The following SLC38A1 variants were observed in gnomAD, a reference collection of about 807,000 sequenced individuals.
SLC38A1 encodes solute carrier family 38 member 1.
In SLC38A1, 18 loss-of-function variants were observed where a neutral mutation model predicts 60.3. The ratio of observed to expected loss-of-function variants is 0.30; its 90% CI spans 0.21 to 0.44. SLC38A1 has a LOEUF of 0.44. Among genes scored for constraint, SLC38A1 ranks in the 20% least tolerant of loss-of-function variants. The pLI is 1.00. For synonymous variants in SLC38A1, 196 were observed against 212.1 expected (o/e 0.92, Z 0.66); for missense variants, 448 against 587.2 (o/e 0.76, Z 2.45).
rs377474900 is a variant in SLC38A1 at position 46,188,710 on chromosome 12, T to G, written c.*260A>C. On this transcript the variant is annotated 3_prime_UTR_variant, in exon 17 of 17. Coordinates refer to ENST00000398637, the MANE Select transcript of SLC38A1 (RefSeq NM_030674.4). ...TAGAGTTAGATGGGTAAAAAATGAT[T>G]GTGAAAAGTACTGGGAAATATGATT... The G allele has an allele frequency of 8.8e-5, 29 of 329,342 alleles. No individual in the cohort carries two copies. The highest frequency in any genetic ancestry group is 8.0e-4 in the Middle Eastern group (1 of 1,250). The allele number at this position is 329,342 out of a possible 1,614,324, so 20.4% of individuals were successfully genotyped here.
At chr12:46,203,219 A>C in intron 11 of SLC38A1, 130 bp from the exon 12 acceptor site, 1 of 764,190 alleles carries the variant, frequency 1.3e-6, no homozygotes, top group Non-Finnish European at 2.1e-6. Context: ...GTTATTAGGG[A>C]GGTTTTGATC....
intron 7 of SLC38A1, 57 bp downstream of exon 7, chr12:46,207,472 C>T (rs1425798463): frequency 6.8e-7 from 1 of 1,467,430 alleles, no homozygotes; most frequent in Non-Finnish European, 9.5e-7. Context: ...ATTCATGTGG[C>T]CGCTCATCCA....
rs1298574951 is a variant in SLC38A1, at chr12:46,188,685, TAG to T, written c.*283_*284del. ...TAAGAGACCGGGAAGCCACAAAACA[TAG>T]AGTTAGATGGGTAAAAAATGATTGT... On this transcript the variant is annotated 3_prime_UTR_variant, in exon 17 of 17. Coordinates refer to ENST00000398637, the MANE Select transcript of SLC38A1 (RefSeq NM_030674.4). 1.5e-5 allele frequency: 4 copies of T among 266,296 alleles called. No homozygotes were observed. Among genetic ancestry groups the T allele is most frequent in the Non-Finnish European group, 2.9e-5 (4 of 139,338 alleles). The allele number at this position is 266,296 out of a possible 1,614,324, so 16.5% of individuals were successfully genotyped here.
At position 46,268,949 on chromosome 12, in the gene SLC38A1, T is replaced by C. The variant is rs1942456964; in HGVS notation, c.-632A>G. 1 of 451,152 alleles carries C rather than the reference T, an allele frequency of 2.2e-6. No individual in the cohort carries two copies. Among genetic ancestry groups the C allele is most frequent in the Non-Finnish European group, 4.5e-6 (1 of 223,544 alleles). The allele number at this position is 451,152 out of a possible 1,614,324, so 27.9% of individuals were successfully genotyped here. A position where few individuals can be genotyped will look rare whatever the true frequency, so the allele number is the denominator to read the frequency against. On this transcript the variant is annotated 5_prime_UTR_variant, in exon 1 of 17. Transcript: ENST00000398637. The surrounding 1 kb of genome is among the most constrained non-coding windows in gnomAD (Gnocchi z 4.4). ...GTGGCCCTTCCGCAACCATGGCTTG[T>C]GATGGTTTAACGCGGACAGGCCATT...
intron 2 of SLC38A1, among the ~76,000 whole-genome samples, 190 bp downstream of exon 2, chr12:46,243,010 T>C (rs922066508): frequency 6.6e-6 from 1 of 152,034 alleles, no homozygotes; most frequent in East Asian, 1.9e-4. Flanking sequence ...ACTTTTTTCA[T>C]TGAGTATCAT....
chr12:46,190,187 G>A (rs1319701420), intron 16 of SLC38A1, among the ~76,000 whole-genome samples: 1 of 152,094 alleles, frequency 6.6e-6, no homozygotes, highest in Non-Finnish European at 1.5e-5. Context: ...AACATGCAGT[G>A]TTTGGTTTTT....
chr12:46,197,790 A>T lies in SLC38A1; in HGVS notation c.1292T>A (p.Phe431Tyr). 1 of 1,602,220 alleles carries T rather than the reference A, an allele frequency of 6.2e-7. No homozygotes were observed. Among genetic ancestry groups the T allele is most frequent in the Non-Finnish European group, 8.5e-7 (1 of 1,176,760 alleles). ...TAAATAAAGAGATGAAGGAAGAATG[A>T]AAATAAGCATGTTAGCAGATGTAAC... ...VGVTSANMLI[F>Y]ILPSSLYLKI... is the part of the protein sequence containing the mutation. The change falls in exon 16 of 17, where the codon TTC becomes TAC. Residue 431 changes from phenylalanine (F) to tyrosine (Y), a missense_variant. Physicochemically the swap from Phe to Tyr is conservative, Grantham distance 22 (BLOSUM62 3). Coordinates refer to ENST00000398637, the MANE Select transcript of SLC38A1 (RefSeq NM_030674.4).
At chr12:46,227,433 C>G (rs1940910363) in intron 5 of SLC38A1, among the ~76,000 whole-genome samples, 1 of 152,146 alleles carries the variant, frequency 6.6e-6, no homozygotes, top group South Asian at 2.1e-4. Context: ...CCCTTTATGC[C>G]TCAGTTTCCT....
At chr12:46,260,233 A>G (rs1272583236) in intron 1 of SLC38A1, among the ~76,000 whole-genome samples, 3 of 151,760 alleles carry the variant, frequency 2.0e-5, no homozygotes, top group South Asian at 2.1e-4. Context: ...CCTCCTCCCA[A>G]CTTTCTGTGT....
chr12:46,224,134 T>C (rs1170133435), intron 5 of SLC38A1, among the ~76,000 whole-genome samples: 1 of 152,150 alleles, frequency 6.6e-6, no homozygotes, highest in Non-Finnish European at 1.5e-5. Context: ...CTTTAGCATC[T>C]ATTGCCTTTT....
At chr12:46,206,567 C>G (rs542561196) in intron 8 of SLC38A1, among the ~76,000 whole-genome samples, 1 of 152,174 alleles carries the variant, frequency 6.6e-6, no homozygotes, top group African/African-American at 2.4e-5. Context: ...AGACATTTCT[C>G]TCTCCCTGAT....
chr12:46,204,250 A>C, intron 11 of SLC38A1, 51 bp downstream of exon 11: 1 of 1,101,192 alleles, frequency 9.1e-7, no homozygotes, highest in Non-Finnish European at 1.4e-6. Flanking sequence ...GAGAAATAGA[A>C]TGTCCTTAAT....
intron 1 of SLC38A1, among the ~76,000 whole-genome samples, chr12:46,259,461 T>C: frequency 6.6e-6 from 1 of 152,174 alleles, no homozygotes; most frequent in East Asian, 1.9e-4. Context: ...CTTTGAGTAA[T>C]AAAAATGGGA....
rs551275320 is a variant in SLC38A1, at chr12:46,221,956, G to A, written c.314+7197C>T. Among the ~76,000 whole-genome samples the A allele has an allele frequency of 9.2e-5, 14 of 152,270 alleles. No homozygotes were observed. In the South Asian group the frequency reaches 1.9e-3, roughly 20 times the overall value. On this transcript the variant is annotated intron_variant, in intron 5 of 16. Transcript: ENST00000398637. ...AGAAGACAGAGATGAGACAGGGTAC[G>A]GGTGGGCTCTGGAAAGACCAAGGTA...
At chr12:46,235,846 T>C (rs1490970081) in intron 3 of SLC38A1, among the ~76,000 whole-genome samples, 1 of 152,136 alleles carries the variant, frequency 6.6e-6, no homozygotes, top group Admixed American at 6.5e-5. Flanking sequence ...ATAATAGCAA[T>C]AAGTATACAG....
At chr12:46,252,980 C>A (rs1941904156) in intron 1 of SLC38A1, among the ~76,000 whole-genome samples, 1 of 132,548 alleles carries the variant, frequency 7.5e-6, no homozygotes, top group Non-Finnish European at 1.6e-5. Flanking sequence ...CTCATGTATA[C>A]ATGGTATCTT....
chr12:46,231,774 G>A (rs1400855406), intron 3 of SLC38A1, among the ~76,000 whole-genome samples: 1 of 152,032 alleles, frequency 6.6e-6, no homozygotes, highest in Non-Finnish European at 1.5e-5. Flanking sequence ...CAAGTAGCTG[G>A]GATTACAGGT....
At chr12:46,202,112 A>G (rs551910390) in intron 12 of SLC38A1, among the ~76,000 whole-genome samples, 10 of 150,142 alleles carry the variant, frequency 6.7e-5, no homozygotes, top group African/African-American at 2.5e-4. Flanking sequence ...GGATTGCTTG[A>G]CCCTGGGAAG....
chr12:46,219,673 C>G (rs1940572487), intron 5 of SLC38A1, among the ~76,000 whole-genome samples: 1 of 152,238 alleles, frequency 6.6e-6, no homozygotes, highest in African/African-American at 2.4e-5. Flanking sequence ...AAATCCAACT[C>G]TCTGCACCAC....
Sources: allele counts gnomAD v4.1 joint callset (sites outside exome capture counted in the v4.1 genomes callset), GRCh38; gene constraint gnomAD v4.1.1; non-coding constraint Gnocchi (gnomAD v3.1); transcripts MANE v1.5; gene names NCBI Gene and HGNC (gene_info 2026-07-23, HGNC 2026-07-21).